Variants in SERINC5 observed in about 807,000 individuals in gnomAD.
The protein encoded by SERINC5 is chromosome 5 open reading frame 12.
A neutral mutation model predicts 63.1 loss-of-function variants in SERINC5; 41 were observed. The ratio of observed to expected loss-of-function variants is 0.65; its 90% CI spans 0.51 to 0.84. SERINC5 has a LOEUF of 0.84. Among genes scored for constraint, SERINC5 ranks in the 40% least tolerant of loss-of-function variants. The probability of loss-of-function intolerance (pLI) is 0.00; values close to 1 mark genes in which losing one functional copy is unlikely to be tolerated. For synonymous variants in SERINC5, 222 were observed against 215.2 expected (o/e 1.03, Z -0.28); for missense variants, 523 against 573.0 (o/e 0.91, Z 0.89).
At chr5:80,193,502 T>G (rs1007155846) in intron 2 of SERINC5, among the ~76,000 whole-genome samples, 1 of 152,204 alleles carries the variant, frequency 6.6e-6, no homozygotes, top group Admixed American at 6.5e-5. Context: ...CTCTCGTCCA[T>G]AGCCAGACCA....
At chr5:80,179,829 T>A (rs1176304146) in intron 2 of SERINC5, among the ~76,000 whole-genome samples, 9 of 152,246 alleles carry the variant, frequency 5.9e-5, no homozygotes, top group Non-Finnish European at 1.5e-5. Flanking sequence ...GTATCTACAT[T>A]TTTAAACTTC....
intron 8 of SERINC5, among the ~76,000 whole-genome samples, chr5:80,153,184 G>T (rs1032438879): frequency 1.3e-5 from 2 of 151,956 alleles, no homozygotes; most frequent in Non-Finnish European, 2.9e-5. Context: ...GTTGCCGGGC[G>T]TGGTGGCTCA....
chr5:80,132,260 T>G (rs1219822575), intron 11 of SERINC5, among the ~76,000 whole-genome samples: 1 of 151,684 alleles, frequency 6.6e-6, no homozygotes. Context: ...CACAGGGGAG[T>G]AGGCACGAGA....
chr5:80,141,501 C>T lies in SERINC5; in HGVS notation c.*2162G>A, dbSNP rs1054900423. On this transcript the variant is annotated 3_prime_UTR_variant, in exon 12 of 12. Coordinates refer to ENST00000507668, the MANE Select transcript of SERINC5 (RefSeq NM_001174072.3). The stretch of plus-strand genomic sequence containing the variant: ...ACACCAGCTGGCAGCCAGACCCAGC[C>T]GAGAGGACAAAGCAAGGGCTCTGCT... 9 of 985,398 alleles carry T rather than the reference C, an allele frequency of 9.1e-6. No homozygotes were observed. Among genetic ancestry groups the T allele is most frequent in the African/African-American group, 1.7e-5 (1 of 57,224 alleles). 61.0% of individuals were successfully genotyped at this position (985,398 alleles called of 1,614,324 possible). A position where few individuals can be genotyped will look rare whatever the true frequency, so the allele number is the denominator to read the frequency against.
intron 7 of SERINC5, among the ~76,000 whole-genome samples, chr5:80,159,501 T>C (rs551147575): frequency 2.0e-5 from 3 of 152,172 alleles, no homozygotes; most frequent in Admixed American, 6.5e-5. Flanking sequence ...TTCATTCGCA[T>C]TTACTTGCAT....
chr5:80,222,549 G>C (rs1252855355), intron 1 of SERINC5, among the ~76,000 whole-genome samples: 1 of 128,340 alleles, frequency 7.8e-6, no homozygotes. Flanking sequence ...GTTTTTTGTG[G>C]GTGAGTGTGT....
chr5:80,155,444 G>C (rs1017445751), intron 8 of SERINC5, among the ~76,000 whole-genome samples: 6 of 152,174 alleles, frequency 3.9e-5, no homozygotes, highest in African/African-American at 1.4e-4. Flanking sequence ...GTGGTGGCAC[G>C]CGCCTATAAT....
In SERINC5 at chr5:80,119,183, T is replaced by A. The variant is rs181186190; in HGVS notation, c.1239-5558A>T. ...GGTTGTTTGAAAGAATTAAATAAGCTAATATGTTAAAAGTACTGGATAATT... is the reference window on the plus strand; with the variant it reads ...GGTTGTTTGAAAGAATTAAATAAGCAAATATGTTAAAAGTACTGGATAATT... On this transcript the variant is annotated intron_variant, in intron 11 of 12. Coordinates refer to the SERINC5 transcript ENST00000509193. Among the ~76,000 whole-genome samples, 6 of 152,302 alleles carry A rather than the reference T, an allele frequency of 3.9e-5. No homozygotes were observed. In the East Asian group the frequency reaches 1.2e-3, roughly 29 times the overall value.
intron 8 of SERINC5, 43 bp from the exon 9 acceptor site, chr5:80,150,991 T>C: frequency 1.4e-6 from 2 of 1,430,602 alleles, no homozygotes; most frequent in Non-Finnish European, 2.0e-6. Flanking sequence ...ATTAACACAT[T>C]ACAACACATG....
rs947015735 is a variant in SERINC5, at chr5:80,140,006, C to T, written c.*3657G>A. The T allele has an allele frequency of 1.0e-6, 1 of 985,178 alleles. No homozygotes were observed. The highest frequency in any genetic ancestry group is 1.2e-6 in the Non-Finnish European group (1 of 829,936). 61.0% of individuals were successfully genotyped at this position (985,178 alleles called of 1,614,324 possible). Reference sequence around the variant, plus strand: ...CAGGAAGGTGAAGCACCAATGATGGCAAAAATTAAATAAATACATCATCTT... The same window carrying T: ...CAGGAAGGTGAAGCACCAATGATGGTAAAAATTAAATAAATACATCATCTT... On this transcript the variant is annotated 3_prime_UTR_variant, in exon 12 of 12. Coordinates refer to ENST00000507668, the MANE Select transcript of SERINC5 (RefSeq NM_001174072.3).
At chr5:80,183,772 C>T (rs1038211180) in intron 2 of SERINC5, among the ~76,000 whole-genome samples, 8 of 152,020 alleles carry the variant, frequency 5.3e-5, no homozygotes, top group Non-Finnish European at 1.0e-4. Flanking sequence ...TCCTATAAAA[C>T]GGCCCCACCC....
At position 80,143,139 on chromosome 5, in the gene SERINC5, G is replaced by A. The variant is rs1178727002; in HGVS notation, c.*524C>T. ...GCACTGAGGGTGCAGTTGAAAAGCA[G>A]GTGCCTCCTCTTGGACCCTATAAAT... On this transcript the variant is annotated 3_prime_UTR_variant, in exon 12 of 12. Transcript: ENST00000507668. 2 of 985,500 alleles carry A rather than the reference G, an allele frequency of 2.0e-6. No individual in the cohort carries two copies. 61.0% of individuals were successfully genotyped at this position (985,500 alleles called of 1,614,324 possible). A position where few individuals can be genotyped will look rare whatever the true frequency, so the allele number is the denominator to read the frequency against.
chr5:80,220,311 A>C (rs1750847343), intron 1 of SERINC5, among the ~76,000 whole-genome samples: 1 of 152,174 alleles, frequency 6.6e-6, no homozygotes, highest in South Asian at 2.1e-4. Flanking sequence ...ACAAGGCAGA[A>C]GTCTTCTATC....
chr5:80,218,569 G>A (rs567762960), intron 1 of SERINC5, among the ~76,000 whole-genome samples: 2 of 151,770 alleles, frequency 1.3e-5, no homozygotes, highest in South Asian at 4.2e-4. Flanking sequence ...CAGCTACTTG[G>A]GAGGCTGAGG....
At chr5:80,230,389 G>A (rs1421171777) in intron 1 of SERINC5, among the ~76,000 whole-genome samples, 2 of 147,548 alleles carry the variant, frequency 1.4e-5, no homozygotes, top group Admixed American at 6.9e-5. Flanking sequence ...GAACCCAGGA[G>A]GGTGAGGTTG....
At chr5:80,198,866 T>C (rs1749663199) in intron 2 of SERINC5, among the ~76,000 whole-genome samples, 1 of 152,112 alleles carries the variant, frequency 6.6e-6, no homozygotes, top group Admixed American at 6.5e-5. Flanking sequence ...CATTTGTAAA[T>C]AGGTACATTC....
intron 2 of SERINC5, among the ~76,000 whole-genome samples, chr5:80,186,568 A>G (rs1446374429): frequency 6.6e-6 from 1 of 152,178 alleles, no homozygotes; most frequent in Admixed American, 6.5e-5. Context: ...CAAATTAGGA[A>G]AAACATTTCC....
At chr5:80,163,247 G>A (rs1747059844) in intron 7 of SERINC5, among the ~76,000 whole-genome samples, 1 of 152,068 alleles carries the variant, frequency 6.6e-6, no homozygotes, top group African/African-American at 2.4e-5. Flanking sequence ...GGAGCCTTTT[G>A]GGTTTTCTAG....
downstream of SERINC5, among the ~76,000 whole-genome samples, chr5:80,137,642 C>A (rs868831047): frequency 0.18 from 18,648 of 104,770 alleles, 1,377 homozygotes; most frequent in South Asian, 0.26. Flanking sequence ...GACTCTAACT[C>A]AAAAAAAAAA....
Sources: gnomAD v4.1 joint callset for allele counts (sites outside exome capture counted in the v4.1 genomes callset) on GRCh38, gnomAD v4.1.1 for gene constraint, MANE v1.5 for transcripts, NCBI Gene and HGNC (gene_info 2026-07-23, HGNC 2026-07-21) for gene names.